Variants in NCF2 observed in about 807,000 individuals in gnomAD.
NCF2 encodes the protein neutrophil cytosolic factor 2.
In NCF2, 45 loss-of-function variants were observed where a neutral mutation model predicts 70.9. That is an observed-to-expected ratio of 0.63 (90% CI 0.50 to 0.81). The LOEUF is 0.81. NCF2 is among the 40% of genes least tolerant of loss of function. The probability of loss-of-function intolerance (pLI) is 0.00; values close to 1 mark genes in which losing one functional copy is unlikely to be tolerated. For synonymous variants in NCF2, 203 were observed against 233.6 expected (o/e 0.87, Z 1.19); for missense variants, 522 against 631.6 (o/e 0.83, Z 1.86).
chr1:183,577,665 C>T lies in NCF2; in HGVS notation c.300G>A (p.Gln100=), dbSNP rs773131016. The T allele has an allele frequency of 3.1e-6, 5 of 1,614,144 alleles. No homozygotes were observed. The Admixed American group carries it at 5.0e-5, about 16-fold the overall frequency. ...AGTCTATCAGCTGGTTCCCTCGAAG[C>T]TGAATCAAGGCTTCTTTAAGGTCTT... ...AIKDLKEALI[Q]LRGNQLIDYK... is the part of the protein sequence containing the mutation. The change falls in exon 3 of 15, where the codon CAG becomes CAA. Residue 100 remains glutamine, a synonymous_variant. Coordinates refer to ENST00000367535, the MANE Select transcript of NCF2 (RefSeq NM_000433.4).
At chr1:183,582,027 T>C (rs3820690) in intron 2 of NCF2, among the ~76,000 whole-genome samples, 18,154 of 152,232 alleles carry the variant, frequency 0.12, 1,519 homozygotes, top group East Asian at 0.25. Flanking sequence ...AGCCCCCTCG[T>C]TCCCTGCTGC....
intron 2 of NCF2, among the ~76,000 whole-genome samples, chr1:183,578,206 C>T (rs140037181): frequency 6.6e-6 from 1 of 152,328 alleles, no homozygotes; most frequent in Admixed American, 6.5e-5. Context: ...CCCTCCTGCC[C>T]ACTGCCTTCG....
chr1:183,599,139 T>C, the NCF2 span, among the ~76,000 whole-genome samples: 1 of 152,192 alleles, frequency 6.6e-6, no homozygotes, highest in Non-Finnish European at 1.5e-5. Flanking sequence ...CCCAGCACTT[T>C]AGGAGACTGA....
chr1:183,583,176 C>T (rs1572173463), intron 2 of NCF2, among the ~76,000 whole-genome samples: 1 of 152,132 alleles, frequency 6.6e-6, no homozygotes, highest in South Asian at 2.1e-4. Flanking sequence ...CCTCAGCGTC[C>T]CAAGTAGCTG....
intron 9 of NCF2, 97 bp from the exon 10 acceptor site, chr1:183,565,876 G>C (rs1200693422): frequency 8.5e-7 from 1 of 1,183,284 alleles, no homozygotes; most frequent in Admixed American, 1.8e-5. Context: ...CCATGTAAAG[G>C]AGCCACATGC....
chr1:183,591,967 A>C (rs962199718), upstream of NCF2, among the ~76,000 whole-genome samples: 2 of 152,188 alleles, frequency 1.3e-5, no homozygotes, highest in African/African-American at 4.8e-5. Context: ...AAACAGATTT[A>C]AGAGTTCTTT....
intron 2 of NCF2, among the ~76,000 whole-genome samples, chr1:183,580,320 G>A (rs912991184): frequency 2.0e-5 from 3 of 152,178 alleles, no homozygotes; most frequent in African/African-American, 7.2e-5. Flanking sequence ...TGGGTTCCTG[G>A]AAAGAGGAAG....
At chr1:183,564,826 G>A (rs1210181721) in intron 10 of NCF2, among the ~76,000 whole-genome samples, 1 of 152,228 alleles carries the variant, frequency 6.6e-6, no homozygotes, top group Non-Finnish European at 1.5e-5. Flanking sequence ...TCATATGAAT[G>A]TTTAGTGTCC....
At chr1:183,563,152 G>T in intron 13 of NCF2, 43 bp downstream of exon 13, 2 of 1,547,792 alleles carry the variant, frequency 1.3e-6, no homozygotes, top group Non-Finnish European at 1.8e-6. Flanking sequence ...TGAGGAAGTG[G>T]CTCAGTGGAA....
chr1:183,583,374 C>T (rs1038969953), intron 2 of NCF2, among the ~76,000 whole-genome samples: 3 of 152,036 alleles, frequency 2.0e-5, no homozygotes, highest in Non-Finnish European at 4.4e-5. Context: ...AATTTCTGTC[C>T]CACACATTAA....
chr1:183,573,167 C>T lies in NCF2; in HGVS notation c.609+18G>A, dbSNP rs747187964. 5 of 1,608,746 alleles carry T rather than the reference C, an allele frequency of 3.1e-6. No individual in the cohort carries two copies. In the South Asian group the frequency reaches 3.3e-5, roughly 11 times the overall value. On this transcript the variant is annotated intron_variant, in intron 5 of 14. Transcript: ENST00000367535. ...CGGGCCACAGGAGACTCAGGGGAAGCTGAGCAATCCCACCTACCGTCGCCT... is the reference window on the plus strand; with the variant it reads ...CGGGCCACAGGAGACTCAGGGGAAGTTGAGCAATCCCACCTACCGTCGCCT...
At chr1:183,578,981 A>C (rs1672930058) in intron 2 of NCF2, among the ~76,000 whole-genome samples, 1 of 152,326 alleles carries the variant, frequency 6.6e-6, no homozygotes, top group East Asian at 1.9e-4. Context: ...GGCAGGAACA[A>C]ATTTGGCTGC....
chr1:183,565,607 G>A, intron 10 of NCF2, 97 bp downstream of exon 10: 1 of 1,273,946 alleles, frequency 7.8e-7, no homozygotes, highest in Non-Finnish European at 1.1e-6. Flanking sequence ...GGGAGAAGAA[G>A]AAACCAGAAT....
At chr1:183,599,426 C>CTTTCTTTCTTTCTTTCT in the NCF2 span, among the ~76,000 whole-genome samples, 1 of 75,482 alleles carries the variant, frequency 1.3e-5, no homozygotes, top group Non-Finnish European at 2.9e-5. Flanking sequence ...TTCTTTCCTT[C>CTTTCTTTCTTTCTTTCT]TTTCTTTCTT....
intron 5 of NCF2, among the ~76,000 whole-genome samples, chr1:183,572,905 C>G (rs1672630970): frequency 6.6e-6 from 1 of 152,222 alleles, no homozygotes; most frequent in Non-Finnish European, 1.5e-5. Flanking sequence ...TGTGTTTTCC[C>G]TCCATTGGCT....
chr1:183,590,032 TG>T, intron 1 of NCF2, 123 bp downstream of exon 1: 1 of 1,433,932 alleles, frequency 7.0e-7, no homozygotes, highest in Admixed American at 1.7e-5. Context: ...TGTCTAGGGG[TG>T]GAGCTTGGGC....
intron 6 of NCF2, 116 bp from the exon 7 acceptor site, chr1:183,569,301 G>T: frequency 7.1e-6 from 7 of 986,922 alleles, no homozygotes; most frequent in African/African-American, 1.6e-5. Context: ...ATCAAATAAC[G>T]CATTTCTGAC....
Position 183,565,801 on chromosome 1 carries a change from G to A in NCF2, c.925-22C>T, listed in dbSNP as rs1364021185. 3.1e-6 allele frequency: 5 copies of A among 1,612,380 alleles called. No individual in the cohort carries two copies. In the South Asian group the frequency reaches 4.4e-5, roughly 14 times the overall value. On this transcript the variant is annotated intron_variant, in intron 9 of 14. Transcript: ENST00000367535. Reference sequence around the variant, plus strand: ...CCTCCTGAAGGCAACAGGGAGCGACGGTCAGAACCTTCATTCAAAGTTCCC... The same window carrying A: ...CCTCCTGAAGGCAACAGGGAGCGACAGTCAGAACCTTCATTCAAAGTTCCC...
chr1:183,599,438 C>CTT, the NCF2 span, among the ~76,000 whole-genome samples: 1 of 96,264 alleles, frequency 1.0e-5, no homozygotes, highest in Non-Finnish European at 2.3e-5. Context: ...TTCTTTCTTT[C>CTT]TTTCTTTCTT....
Sources: allele counts gnomAD v4.1 joint callset (sites outside exome capture counted in the v4.1 genomes callset), GRCh38; gene constraint gnomAD v4.1.1; transcripts MANE v1.5; gene names NCBI Gene and HGNC (gene_info 2026-07-23, HGNC 2026-07-21).